Variants in ADCY9 observed in about 807,000 individuals in gnomAD.
ADCY9 encodes the protein adenylate cyclase type 9.
In ADCY9, 50 loss-of-function variants were observed where a neutral mutation model predicts 101.5. The ratio of observed to expected loss-of-function variants is 0.49; its 90% CI spans 0.39 to 0.62. The LOEUF (loss-of-function observed/expected upper bound fraction) is 0.62. Among genes scored for constraint, ADCY9 ranks in the 20% least tolerant of loss-of-function variants. ADCY9 has a pLI of 0.00. For synonymous variants in ADCY9, 905 were observed against 769.3 expected, an observed-to-expected ratio of 1.18 and a Z score of -2.92; for missense variants, 1,662 against 1,800.4, an observed-to-expected ratio of 0.92 and a Z score of 1.39.
intron 3 of ADCY9, among the ~76,000 whole-genome samples, chr16:3,997,269 C>T (rs942771320): frequency 1.3e-5 from 2 of 152,228 alleles, no homozygotes; most frequent in Admixed American, 1.3e-4. Context: ...AATGTGTCAC[C>T]GTGACAGTCA....
rs143872089 is a variant in ADCY9 at position 3,989,033 on chromosome 16, C to A, written c.2271G>T (p.Gln757His). The A allele has an allele frequency of 1.3e-4, 215 of 1,614,146 alleles. No individual in the cohort carries two copies. The African/African-American group carries it at 1.9e-3, about 14-fold the overall frequency. The part of the protein sequence containing the change: ...INQFSLNFLD[Q>H]ELERSYRTSY... ...TGGTCCTGTAGGATCGCTCCAGCTC[C>A]TGATCCAGGAAGTTCAGGCTGAACT... The change falls in exon 6 of 11, where the codon CAG becomes CAT. Residue 757 changes from glutamine to histidine, a missense_variant. Gln to His is a conservative substitution (Grantham distance 24). This residue lies in a region of ADCY9 where 624 missense variants were observed against 639.1 expected (regional missense o/e 0.98). Coordinates refer to ENST00000294016, the MANE Select transcript of ADCY9 (RefSeq NM_001116.4).
intron 9 of ADCY9, 100 bp from the exon 10 acceptor site, chr16:3,974,810 A>G: frequency 2.1e-6 from 2 of 946,238 alleles, no homozygotes; most frequent in South Asian, 2.8e-5. Context: ...CCTTTTTTAG[A>G]CGTGGTTGTA....
intron 3 of ADCY9, among the ~76,000 whole-genome samples, chr16:3,997,292 A>G (rs752726886): frequency 3.9e-5 from 6 of 152,230 alleles, no homozygotes; most frequent in Non-Finnish European, 7.3e-5. Context: ...CCAACTTGGC[A>G]CCAGAGGGCA....
intron 2 of ADCY9, among the ~76,000 whole-genome samples, chr16:4,038,552 T>C (rs2056605682): frequency 6.6e-6 from 1 of 152,146 alleles, no homozygotes; most frequent in East Asian, 1.9e-4. Flanking sequence ...TGTTTGGAAA[T>C]CACCCAGTTG....
chr16:4,047,956 G>A (rs1373154173), intron 2 of ADCY9, among the ~76,000 whole-genome samples: 1 of 152,214 alleles, frequency 6.6e-6, no homozygotes, highest in East Asian at 1.9e-4. Context: ...CTGGGAGTGA[G>A]CCCTGGAGGT....
chr16:4,025,717 G>A (rs1048041552), intron 2 of ADCY9, among the ~76,000 whole-genome samples: 44 of 152,188 alleles, frequency 2.9e-4, no homozygotes, highest in Non-Finnish European at 1.2e-4. Flanking sequence ...GGCAGAACCC[G>A]CAGCTCCAGA....
chr16:3,956,572 C>T (rs1487529979), intron 5 of ADCY9, among the ~76,000 whole-genome samples: 1 of 132,454 alleles, frequency 7.5e-6, no homozygotes, highest in African/African-American at 2.8e-5. Flanking sequence ...CTCACTGAAA[C>T]CTCTGTCTCC....
chr16:4,005,885 A>C (rs2056363786), intron 3 of ADCY9, among the ~76,000 whole-genome samples: 1 of 152,152 alleles, frequency 6.6e-6, no homozygotes, highest in Non-Finnish European at 1.5e-5. Context: ...CCAAATAGCA[A>C]AACCATTCCC....
intron 3 of ADCY9, among the ~76,000 whole-genome samples, chr16:3,994,612 C>T (rs186207111): frequency 2.0e-3 from 300 of 152,274 alleles, no homozygotes; most frequent in Admixed American, 3.8e-3. Flanking sequence ...CCTGCCACCA[C>T]GCCCGGCTAC....
intron 2 of ADCY9, among the ~76,000 whole-genome samples, chr16:4,055,517 G>A (rs746220530): frequency 1.3e-5 from 2 of 150,446 alleles, no homozygotes; most frequent in Non-Finnish European, 3.0e-5. Flanking sequence ...CTGGGCAGCA[G>A]AGCAAGACTC....
intron 5 of ADCY9, among the ~76,000 whole-genome samples, chr16:3,956,587 T>G (rs1225945617): frequency 6.8e-6 from 1 of 146,316 alleles, no homozygotes; most frequent in Non-Finnish European, 1.5e-5. Flanking sequence ...GTCTCCCAGG[T>G]TCAAGCGATT....
At chr16:4,070,391 T>A (rs1489970080) in intron 2 of ADCY9, among the ~76,000 whole-genome samples, 1 of 152,196 alleles carries the variant, frequency 6.6e-6, no homozygotes, top group Non-Finnish European at 1.5e-5. Flanking sequence ...CAGTAAAGAA[T>A]AGGATGTGGA....
chr16:4,105,717 A>C (rs1207291334), intron 2 of ADCY9, among the ~76,000 whole-genome samples: 1 of 150,306 alleles, frequency 6.7e-6, no homozygotes, highest in Non-Finnish European at 1.5e-5. Flanking sequence ...ATGTGGTGGC[A>C]TGCGCCTGTG....
intron 3 of ADCY9, among the ~76,000 whole-genome samples, chr16:4,001,139 C>G (rs930908323): frequency 1.3e-5 from 2 of 152,154 alleles, no homozygotes; most frequent in African/African-American, 4.8e-5. Context: ...CATGCTGGCG[C>G]GATACCGTTA....
chr16:3,993,042 C>G (rs1288580101), intron 4 of ADCY9, among the ~76,000 whole-genome samples: 3 of 152,152 alleles, frequency 2.0e-5, no homozygotes, highest in Non-Finnish European at 4.4e-5. Context: ...CTTCACCCAG[C>G]CTTTCTCGCC....
chr16:4,056,826 T>C (rs921940627), intron 2 of ADCY9, among the ~76,000 whole-genome samples: 2 of 152,164 alleles, frequency 1.3e-5, no homozygotes, highest in Non-Finnish European at 1.5e-5. Flanking sequence ...GTGTTTTTAT[T>C]ATCTCTGGTT....
chr16:4,054,657 G>A lies in ADCY9; in HGVS notation c.1694-47099C>T, dbSNP rs558705380. Reference sequence around the variant, plus strand: ...ACAATCTCGGCTCACTGCAAGCTACGCCTCCCGGGTTCAAGCAATTCTCCT... The same window carrying A: ...ACAATCTCGGCTCACTGCAAGCTACACCTCCCGGGTTCAAGCAATTCTCCT... On this transcript the variant is annotated intron_variant, in intron 2 of 10. Transcript: ENST00000294016. Among the ~76,000 whole-genome samples, 29 of 151,426 alleles carry A rather than the reference G, an allele frequency of 1.9e-4. 1 individual carries two copies. In the East Asian group the frequency reaches 5.4e-3, roughly 28 times the overall value.
intron 2 of ADCY9, among the ~76,000 whole-genome samples, chr16:4,067,736 A>C (rs1455853358): frequency 1.3e-5 from 2 of 152,160 alleles, no homozygotes; most frequent in Admixed American, 1.3e-4. Context: ...GCTGACCAAA[A>C]GGATGGATCT....
chr16:4,025,576 C>A (rs534322463), intron 2 of ADCY9, among the ~76,000 whole-genome samples: 1 of 152,150 alleles, frequency 6.6e-6, no homozygotes, highest in Non-Finnish European at 1.5e-5. Context: ...AGAAGGCACA[C>A]GCGGTCAGTC....
Sources: gnomAD v4.1 joint callset for allele counts (sites outside exome capture counted in the v4.1 genomes callset) on GRCh38, gnomAD v4.1.1 for gene constraint, gnomAD v4.1.1 regional missense constraint, MANE v1.5 for transcripts, NCBI Gene and HGNC (gene_info 2026-07-23, HGNC 2026-07-21) for gene names.